The following C1orf87 variants were observed in gnomAD, a reference collection of about 807,000 sequenced individuals.
C1orf87 encodes the protein uncharacterized protein C1orf87.
In C1orf87, 58 loss-of-function variants were observed where a neutral mutation model predicts 60.5. The ratio of observed to expected loss-of-function variants is 0.96; its 90% confidence interval spans 0.78 to 1.19. The LOEUF is 1.19. C1orf87 is among the 50% of genes most tolerant of loss of function. The probability of loss-of-function intolerance (pLI) is 0.00; values close to 1 mark genes in which losing one functional copy is unlikely to be tolerated. For missense variants in C1orf87, 673 were observed against 638.6 expected (o/e 1.05, Z -0.58); for synonymous variants, 236 against 227.4 (o/e 1.04, Z -0.34).
chr1:60,041,087 T>G lies in C1orf87; in HGVS notation c.387A>C (p.Gly129=). ...CATGCACATAGGATAAGGACTGGTC[T>G]CCGGTTGGTACAGAGCTGCAGTGGA... The part of the protein sequence containing the change: ...ANVHCSSVPT[G]DQSLSYVHGI... The change falls in exon 4 of 12, where the codon GGA becomes GGC. Residue 129 remains glycine, a synonymous_variant. Coordinates refer to ENST00000371201, the MANE Select transcript of C1orf87 (RefSeq NM_152377.3). The G allele has an allele frequency of 6.2e-7, 1 of 1,612,432 alleles. No homozygotes were observed. Among genetic ancestry groups the G allele is most frequent in the Non-Finnish European group, 8.5e-7 (1 of 1,178,778 alleles).
At position 59,990,669 on chromosome 1, in the gene C1orf87, G is replaced by GT; in HGVS notation, c.*3dup. On this transcript the variant is annotated 3_prime_UTR_variant, in exon 12 of 12. Transcript: ENST00000371201. ...ACATCTGTTCTCACAATATGGGCTT[G>GT]TTATCATAGCTCCTTTAAGTACCGC... 6.2e-7 allele frequency: 1 copy of GT among 1,613,688 alleles called. No homozygotes were observed. Among genetic ancestry groups the GT allele is most frequent in the Non-Finnish European group, 8.5e-7 (1 of 1,179,776 alleles).
At chr1:60,022,680 C>T (rs986798175) in intron 8 of C1orf87, among the ~76,000 whole-genome samples, 1 of 151,958 alleles carries the variant, frequency 6.6e-6, no homozygotes, top group Non-Finnish European at 1.5e-5. Context: ...AGTTGAAAGC[C>T]TTCATCTTTT....
rs1645308200 is a variant in C1orf87 at position 60,039,923 on chromosome 1, A to G, written c.741T>C (p.Pro247=). The G allele has an allele frequency of 6.2e-7, 1 of 1,613,192 alleles. No individual in the cohort carries two copies. The highest frequency in any genetic ancestry group is 1.7e-5 in the Admixed American group (1 of 59,856). Residue 247 remains proline (P), a synonymous_variant, in exon 5 of 12, where the codon CCT becomes CCC. Transcript: ENST00000371201. ...LCQRFSKRGS[P]EMVNYEKLLW... ...AATAGTACAATTGCCATACCATTTCAGGAGAACCCCTCTTAGAAAATCTCT... is the reference window on the plus strand; with the variant it reads ...AATAGTACAATTGCCATACCATTTCGGGAGAACCCCTCTTAGAAAATCTCT...
chr1:60,040,977 C>G lies in C1orf87; in HGVS notation c.483+14G>C. 1 of 1,589,242 alleles carries G rather than the reference C, an allele frequency of 6.3e-7. No homozygotes were observed. Among genetic ancestry groups the G allele is most frequent in the Non-Finnish European group, 8.6e-7 (1 of 1,165,446 alleles). ...CTACAATAGACACAACTCAACAACT[C>G]TTAGTATACACACCTCAGGTTGGTC... On this transcript the variant is annotated intron_variant, in intron 4 of 11. Coordinates refer to ENST00000371201, the MANE Select transcript of C1orf87 (RefSeq NM_152377.3).
chr1:60,058,704 C>T (rs147267168), intron 2 of C1orf87, among the ~76,000 whole-genome samples: 255 of 152,288 alleles, frequency 1.7e-3, no homozygotes, highest in African/African-American at 5.8e-3. Context: ...ATTTACATGG[C>T]TTTTCAGTAG....
chr1:60,028,806 AT>A (rs1427035883), intron 7 of C1orf87, among the ~76,000 whole-genome samples: 1 of 151,206 alleles, frequency 6.6e-6, no homozygotes, highest in Non-Finnish European at 1.5e-5. Flanking sequence ...ATGGCCGATC[AT>A]GCCATCCTTC....
chr1:60,072,761 A>G, intron 1 of C1orf87, 91 bp from the exon 2 acceptor site: 1 of 651,448 alleles, frequency 1.5e-6, no homozygotes. Flanking sequence ...TAATAATAGC[A>G]GGACAAAGTG....
At chr1:60,008,104 T>C (rs561069090) in intron 9 of C1orf87, among the ~76,000 whole-genome samples, 1 of 152,152 alleles carries the variant, frequency 6.6e-6, no homozygotes, top group Non-Finnish European at 1.5e-5. Flanking sequence ...ATTGACTAAG[T>C]AAATAAGCAG....
chr1:60,027,682 G>A (rs1018502073), intron 7 of C1orf87, among the ~76,000 whole-genome samples: 1 of 151,992 alleles, frequency 6.6e-6, no homozygotes, highest in Non-Finnish European at 1.5e-5. Context: ...GCATGTTCCT[G>A]TGTATAGAGG....
intron 8 of C1orf87, among the ~76,000 whole-genome samples, chr1:60,016,098 C>A (rs898546786): frequency 1.3e-5 from 2 of 152,162 alleles, no homozygotes; most frequent in African/African-American, 4.8e-5. Context: ...TTCTGAAGTA[C>A]TGGGGATTAA....
intron 2 of C1orf87, among the ~76,000 whole-genome samples, chr1:60,064,371 A>G (rs911374394): frequency 2.1e-5 from 3 of 142,222 alleles, no homozygotes; most frequent in Non-Finnish European, 4.5e-5. Context: ...ATATATATAT[A>G]CACACACAAT....
rs1381159171 is a variant in C1orf87 at position 60,041,129 on chromosome 1, A to T, written c.345T>A (p.Ile115=). The T allele has an allele frequency of 1.3e-6, 2 of 1,573,040 alleles. No individual in the cohort carries two copies. Among genetic ancestry groups the T allele is most frequent in the African/African-American group, 2.7e-5 (2 of 74,280 alleles). Reference sequence around the variant, plus strand: ...TGCAGTGGACATTTGCTTGACTGGGAATCTTAACAGAACAAGGACAAAGGG... The same window carrying T: ...TGCAGTGGACATTTGCTTGACTGGGTATCTTAACAGAACAAGGACAAAGGG... The part of the protein sequence containing the change: ...ANSSRFLDGN[I]PSQANVHCSS... The change falls in exon 4 of 12, where the codon ATT becomes ATA. Residue 115 remains isoleucine (I), a splice_region_variant and synonymous_variant. Coordinates refer to ENST00000371201, the MANE Select transcript of C1orf87 (RefSeq NM_152377.3).
At chr1:60,062,475 T>C (rs1348251857) in intron 2 of C1orf87, among the ~76,000 whole-genome samples, 1 of 152,192 alleles carries the variant, frequency 6.6e-6, no homozygotes, top group African/African-American at 2.4e-5. Flanking sequence ...ATATGAGTAT[T>C]TTCTCTAAAC....
chr1:60,016,327 A>G (rs79419895), intron 8 of C1orf87, among the ~76,000 whole-genome samples: 4,760 of 152,258 alleles, frequency 0.031, 247 homozygotes, highest in African/African-American at 0.11. Flanking sequence ...ACCTGGATGT[A>G]TTAGGTGCAT....
chr1:60,046,594 A>T (rs115246178), intron 3 of C1orf87, among the ~76,000 whole-genome samples: 2,980 of 151,688 alleles, frequency 0.02, 105 homozygotes, highest in African/African-American at 0.069. Flanking sequence ...GCACACCACC[A>T]CACCCAGCTA....
At chr1:60,063,782 C>G (rs1645513108) in intron 2 of C1orf87, among the ~76,000 whole-genome samples, 1 of 152,118 alleles carries the variant, frequency 6.6e-6, no homozygotes, top group African/African-American at 2.4e-5. Flanking sequence ...GGCAGAAAAG[C>G]AGCAGGTATA....
chr1:60,056,675 T>G (rs642366), intron 2 of C1orf87, among the ~76,000 whole-genome samples: 1 of 152,116 alleles, frequency 6.6e-6, no homozygotes, highest in Non-Finnish European at 1.5e-5. Flanking sequence ...TGGTAGAACT[T>G]AGCGTATTAC....
intron 11 of C1orf87, among the ~76,000 whole-genome samples, chr1:59,995,996 C>T (rs1009295597): frequency 3.3e-5 from 5 of 152,202 alleles, no homozygotes; most frequent in African/African-American, 1.2e-4. Flanking sequence ...GTTCTAGGCT[C>T]ATAACGTATT....
At chr1:60,019,941 A>G (rs1295583229) in intron 8 of C1orf87, among the ~76,000 whole-genome samples, 1 of 152,228 alleles carries the variant, frequency 6.6e-6, no homozygotes, top group Non-Finnish European at 1.5e-5. Flanking sequence ...TTAAAAGGGA[A>G]GCAGAGCAAA....
Sources: gnomAD v4.1 joint callset for allele counts (sites outside exome capture counted in the v4.1 genomes callset) on GRCh38, gnomAD v4.1.1 for gene constraint, MANE v1.5 for transcripts, NCBI Gene and HGNC (gene_info 2026-07-23, HGNC 2026-07-21) for gene names.